The following C9orf72 variants were observed in gnomAD, a reference collection of about 807,000 sequenced individuals.
C9orf72 encodes the protein guanine nucleotide exchange factor C9orf72.
A neutral mutation model predicts 51.6 loss-of-function variants in C9orf72; 44 were observed. The observed-to-expected ratio is 0.85, with a 90% CI of 0.67 to 1.10. The LOEUF (loss-of-function observed/expected upper bound fraction) is 1.10. Ranked by LOEUF, C9orf72 falls within the 50% of genes least tolerant of loss-of-function variation. The pLI is 0.00. For synonymous variants in C9orf72, 213 were observed against 194.2 expected (o/e 1.10, Z -0.81); for missense variants, 607 against 570.6 (o/e 1.06, Z -0.65).
intron 5 of C9orf72, chr9:27,561,186 C>T: frequency 1.0e-6 from 1 of 959,066 alleles, no homozygotes; most frequent in Non-Finnish European, 1.3e-6. Context: ...CTCTTAAGTA[C>T]TAAACTCCAC....
chr9:27,552,859 T>C (rs545622189), intron 8 of C9orf72, among the ~76,000 whole-genome samples: 1 of 152,272 alleles, frequency 6.6e-6, no homozygotes, highest in Admixed American at 6.5e-5. Flanking sequence ...TGCTGCTGGA[T>C]TTGGTTTGCT....
At chr9:27,559,138 A>G (rs1048704536) in intron 6 of C9orf72, 4 of 152,194 alleles carry the variant, frequency 2.6e-5, no homozygotes, top group African/African-American at 9.7e-5. Flanking sequence ...TGAAATTCAA[A>G]CCATATCCAC....
intron 7 of C9orf72, among the ~76,000 whole-genome samples, chr9:27,557,509 A>G (rs1819231984): frequency 6.6e-6 from 1 of 152,214 alleles, no homozygotes; most frequent in African/African-American, 2.4e-5. Context: ...ATTTGCATGG[A>G]GAACTATTAA....
rs1292344722 is a variant in C9orf72 at position 27,562,450 on chromosome 9, A to C, written c.531T>G (p.Thr177=). The change falls in exon 4 of 11, where the codon ACT becomes ACG. Residue 177 remains threonine (T), a synonymous_variant. Coordinates refer to ENST00000380003, the MANE Select transcript of C9orf72 (RefSeq NM_018325.5). ...GTTCCATTACAGGAATCACTTCTCC[A>C]GTAAGCATTGGAATAATACTCTGAC... ...DQGQSIIPML[T]GEVIPVMELL... 1 of 1,592,032 alleles carries C rather than the reference A, an allele frequency of 6.3e-7. No individual in the cohort carries two copies. The highest frequency in any genetic ancestry group is 1.7e-5 in the Admixed American group (1 of 57,286).
At chr9:27,549,001 C>A (rs1272727820) in intron 9 of C9orf72, among the ~76,000 whole-genome samples, 1 of 152,084 alleles carries the variant, frequency 6.6e-6, no homozygotes, top group Non-Finnish European at 1.5e-5. Context: ...CACGCTGCCA[C>A]GCCCAGCTAA....
At chr9:27,561,503 T>C (rs1819345770) in intron 5 of C9orf72, 82 bp downstream of exon 5, 20 of 1,574,718 alleles carry the variant, frequency 1.3e-5, no homozygotes, top group Non-Finnish European at 1.6e-5. Context: ...AGTCTGTTAT[T>C]TTCTTTCTTC....
At chr9:27,557,420 AT>A (rs1819229617) in intron 7 of C9orf72, among the ~76,000 whole-genome samples, 1 of 152,250 alleles carries the variant, frequency 6.6e-6, no homozygotes, top group East Asian at 1.9e-4. Context: ...GGCTATTTCC[AT>A]TTTTTTACTA....
chr9:27,552,538 T>G (rs1820929968), intron 8 of C9orf72, among the ~76,000 whole-genome samples: 1 of 114,960 alleles, frequency 8.7e-6, no homozygotes, highest in African/African-American at 3.3e-5. Flanking sequence ...TTTTTTTTTG[T>G]AGAGATGGGG....
chr9:27,569,437 AC>A (rs1256832832), intron 1 of C9orf72, among the ~76,000 whole-genome samples: 1 of 152,158 alleles, frequency 6.6e-6, no homozygotes, highest in Non-Finnish European at 1.5e-5. Context: ...TATCTTTTAT[AC>A]CATACTTTTA....
At chr9:27,552,584 G>A (rs536943548) in intron 8 of C9orf72, among the ~76,000 whole-genome samples, 1 of 133,948 alleles carries the variant, frequency 7.5e-6, no homozygotes, top group Non-Finnish European at 1.5e-5. Context: ...TTGAACTCCT[G>A]GGCTTAAGAG....
At chr9:27,570,497 T>C (rs927691161) in intron 1 of C9orf72, among the ~76,000 whole-genome samples, 1 of 152,146 alleles carries the variant, frequency 6.6e-6, no homozygotes, top group Non-Finnish European at 1.5e-5. Flanking sequence ...GATTGAATTA[T>C]AGGGAAACTT....
At chr9:27,559,486 C>T (rs1819289814) in intron 6 of C9orf72, 2 of 151,654 alleles carry the variant, frequency 1.3e-5, no homozygotes, top group Admixed American at 1.3e-4. Context: ...TAAATTAAGG[C>T]TCATGTAAAT....
chr9:27,550,509 C>A, intron 9 of C9orf72, 141 bp downstream of exon 9: 1 of 486,496 alleles, frequency 2.1e-6, no homozygotes, highest in East Asian at 3.3e-5. Context: ...TGTAGTGTAA[C>A]TAACTTAACT....
chr9:27,569,650 G>A (rs912024431), intron 1 of C9orf72, among the ~76,000 whole-genome samples: 4 of 152,078 alleles, frequency 2.6e-5, no homozygotes, highest in Admixed American at 6.6e-5. Context: ...TGACAAAATC[G>A]CCTAATGATG....
intron 9 of C9orf72, among the ~76,000 whole-genome samples, chr9:27,550,150 A>C (rs1820876784): frequency 6.6e-6 from 1 of 150,508 alleles, no homozygotes; most frequent in African/African-American, 2.4e-5. Context: ...ATATCCTACA[A>C]TGCTGGTAAT....
At chr9:27,554,395 C>A (rs895017401) in intron 8 of C9orf72, among the ~76,000 whole-genome samples, 1 of 152,166 alleles carries the variant, frequency 6.6e-6, no homozygotes, top group Non-Finnish European at 1.5e-5. Flanking sequence ...GAACAGAAAA[C>A]CAACTACCGC....
intron 2 of C9orf72, 148 bp from the exon 3 acceptor site, chr9:27,565,738 T>G (rs546656601): frequency 3.4e-6 from 2 of 586,546 alleles, no homozygotes; most frequent in African/African-American, 3.7e-5. Context: ...GGGTAGGAAA[T>G]TAACCCAACA....
intron 8 of C9orf72, among the ~76,000 whole-genome samples, chr9:27,551,315 C>T (rs551533626): frequency 2.0e-5 from 3 of 152,266 alleles, no homozygotes; most frequent in African/African-American, 7.2e-5. Flanking sequence ...ATATAATGGC[C>T]ACTTAAAATA....
intron 1 of C9orf72, among the ~76,000 whole-genome samples, chr9:27,570,044 G>A (rs1449024763): frequency 6.6e-6 from 1 of 152,180 alleles, no homozygotes. Flanking sequence ...TACAGAAATG[G>A]TTGAACACAA....
Sources: gnomAD v4.1 joint callset for allele counts (sites outside exome capture counted in the v4.1 genomes callset) on GRCh38, gnomAD v4.1.1 for gene constraint, MANE v1.5 for transcripts, NCBI Gene and HGNC (gene_info 2026-07-23, HGNC 2026-07-21) for gene names.